The following STAG1 variants were observed in gnomAD, a reference collection of about 807,000 sequenced individuals.
STAG1 encodes STAG1 cohesin complex component.
In STAG1, 26 loss-of-function variants were observed where a neutral mutation model predicts 170.9. The observed-to-expected ratio is 0.15, with a 90% CI of 0.11 to 0.21. STAG1 has a LOEUF of 0.21. Ranked by LOEUF, STAG1 falls within the 10% of genes least tolerant of loss-of-function variation. The pLI is 1.00. For synonymous variants in STAG1, 514 were observed against 497.7 expected (o/e 1.03, Z -0.44); for missense variants, 964 against 1,509.5 (o/e 0.64, Z 5.99).
At chr3:136,654,829 C>A (rs1418617894) in intron 1 of STAG1, among the ~76,000 whole-genome samples, 2 of 152,022 alleles carry the variant, frequency 1.3e-5, no homozygotes, top group Non-Finnish European at 2.9e-5. Flanking sequence ...GAAAAGAGAG[C>A]CCACAAATAA....
chr3:136,429,586 A>G (rs891145072), intron 16 of STAG1, among the ~76,000 whole-genome samples: 2 of 152,234 alleles, frequency 1.3e-5, no homozygotes, highest in Non-Finnish European at 2.9e-5. Context: ...TTCTTTGGTG[A>G]CACAGACCCT....
intron 1 of STAG1, among the ~76,000 whole-genome samples, chr3:136,693,090 A>G (rs1424458572): frequency 1.3e-5 from 2 of 152,248 alleles, no homozygotes; most frequent in African/African-American, 4.8e-5. Flanking sequence ...AAGGAGAAAG[A>G]GATGTCATCA....
At position 136,653,272 on chromosome 3, in the gene STAG1, C is replaced by CA. The variant is rs113426775; in HGVS notation, c.-83-22292dup. On this transcript the variant is annotated intron_variant, in intron 1 of 33. Coordinates refer to ENST00000383202, the MANE Select transcript of STAG1 (RefSeq NM_005862.3). Reference sequence around the variant, plus strand: ...GGGCAACAAGAGCAAAACTCCATCTCAAAAAAAAAAAAGAAAAGCAAAGAA... The same window carrying CA: ...GGGCAACAAGAGCAAAACTCCATCTCAAAAAAAAAAAAAGAAAAGCAAAGAA... Among the ~76,000 whole-genome samples, 949 of 114,142 alleles carry CA rather than the reference C, an allele frequency of 8.3e-3. 4 individuals are homozygous for CA. The highest frequency in any genetic ancestry group is 0.017 in the Admixed American group (190 of 11,036). The allele number at this position is 114,142 out of a possible 152,430, so 74.9% of individuals were successfully genotyped here. A position where few individuals can be genotyped will look rare whatever the true frequency, so the allele number is the denominator to read the frequency against.
At chr3:136,441,939 T>C (rs1576469137) in intron 15 of STAG1, among the ~76,000 whole-genome samples, 1 of 152,200 alleles carries the variant, frequency 6.6e-6, no homozygotes, top group East Asian at 1.9e-4. Context: ...GGCTCACGCC[T>C]GTAATTCAAG....
chr3:136,522,518 T>C (rs1002513902), intron 6 of STAG1, among the ~76,000 whole-genome samples: 1 of 141,006 alleles, frequency 7.1e-6, no homozygotes, highest in Non-Finnish European at 1.6e-5. Flanking sequence ...CCCACTATAG[T>C]AGAGTTCCTC....
At chr3:136,726,185 T>C (rs1440926053) in intron 1 of STAG1, among the ~76,000 whole-genome samples, 1 of 152,192 alleles carries the variant, frequency 6.6e-6, no homozygotes, top group Non-Finnish European at 1.5e-5. Flanking sequence ...TTTACTGTTC[T>C]GTGCATTACA....
At position 136,458,281 on chromosome 3, in the gene STAG1, C is replaced by A. The variant is rs912043547; in HGVS notation, c.1314-6134G>T. On this transcript the variant is annotated intron_variant, in intron 13 of 33. Coordinates refer to ENST00000383202, the MANE Select transcript of STAG1 (RefSeq NM_005862.3). Reference sequence around the variant, plus strand: ...AAGCAATTCTCCTGCCTCAACCTCCCAAGTAGCTGGAATTACAGGCACCTG... The same window carrying A: ...AAGCAATTCTCCTGCCTCAACCTCCAAAGTAGCTGGAATTACAGGCACCTG... Among the ~76,000 whole-genome samples, 3 of 152,086 alleles carry A rather than the reference C, an allele frequency of 2.0e-5. No individual in the cohort carries two copies. The South Asian group carries it at 6.2e-4, about 32-fold the overall frequency.
intron 1 of STAG1, among the ~76,000 whole-genome samples, chr3:136,698,703 T>C (rs1374258981): frequency 3.3e-5 from 5 of 152,208 alleles, no homozygotes; most frequent in Non-Finnish European, 7.3e-5. Flanking sequence ...TATGGGTATC[T>C]TGCTGGGTAT....
intron 6 of STAG1, among the ~76,000 whole-genome samples, chr3:136,537,198 G>A (rs991808586): frequency 1.3e-5 from 2 of 152,074 alleles, no homozygotes; most frequent in Non-Finnish European, 1.5e-5. Context: ...AACACAAATG[G>A]AGTGGTGTAT....
chr3:136,543,688 T>G (rs1936013843), intron 5 of STAG1, among the ~76,000 whole-genome samples: 1 of 152,208 alleles, frequency 6.6e-6, no homozygotes, highest in East Asian at 1.9e-4. Flanking sequence ...TTCTAATCTT[T>G]TAAGTGGTGA....
intron 13 of STAG1, among the ~76,000 whole-genome samples, chr3:136,464,510 G>C (rs2107798443): frequency 6.6e-6 from 1 of 152,218 alleles, no homozygotes; most frequent in South Asian, 2.1e-4. Context: ...AGGTGATACT[G>C]CTTCAAATTT....
At chr3:136,701,579 G>C (rs1008721130) in intron 1 of STAG1, among the ~76,000 whole-genome samples, 2 of 151,986 alleles carry the variant, frequency 1.3e-5, no homozygotes, top group African/African-American at 4.8e-5. Context: ...CTTAACAGCC[G>C]GTATGCCCCC....
At chr3:136,438,022 GGATGA>G (rs1416118888) in intron 15 of STAG1, among the ~76,000 whole-genome samples, 3 of 152,050 alleles carry the variant, frequency 2.0e-5, no homozygotes, top group East Asian at 3.9e-4. Flanking sequence ...ATTACATTTA[GGATGA>G]GATAAGTTCA....
rs1247808024 is a variant in STAG1 at position 136,518,464 on chromosome 3, A to AT, written c.676+2748dup. 8 of 686,530 alleles carry AT rather than the reference A, an allele frequency of 1.2e-5. No individual in the cohort carries two copies. In the East Asian group the frequency reaches 1.9e-4, roughly 16 times the overall value. 42.5% of individuals were successfully genotyped at this position (686,530 alleles called of 1,614,324 possible). A position where few individuals can be genotyped will look rare whatever the true frequency, so the allele number is the denominator to read the frequency against. On this transcript the variant is annotated intron_variant, in intron 7 of 33. Transcript: ENST00000383202. The stretch of plus-strand genomic sequence containing the variant: ...ATCTTTTAATCTATTCCTCGTACAT[A>AT]TACCATTAAAAATAAGAAGAGGGCA...
At chr3:136,663,881 A>G (rs970292102) in intron 1 of STAG1, among the ~76,000 whole-genome samples, 1 of 152,256 alleles carries the variant, frequency 6.6e-6, no homozygotes, top group East Asian at 1.9e-4. Flanking sequence ...CAACTAAGAA[A>G]AAGTAAGCAA....
intron 27 of STAG1, among the ~76,000 whole-genome samples, chr3:136,358,878 T>G (rs1936755424): frequency 6.6e-6 from 1 of 152,118 alleles, no homozygotes; most frequent in African/African-American, 2.4e-5. Flanking sequence ...CCAGCCTGTA[T>G]AGTCTCTCAA....
intron 22 of STAG1, among the ~76,000 whole-genome samples, chr3:136,396,241 A>T (rs1358227262): frequency 1.7e-5 from 2 of 120,598 alleles, no homozygotes; most frequent in East Asian, 2.5e-4. Flanking sequence ...TTTGAGACAG[A>T]GTCTCGCTCT....
At chr3:136,531,732 G>A (rs1435759312) in intron 6 of STAG1, among the ~76,000 whole-genome samples, 1 of 147,896 alleles carries the variant, frequency 6.8e-6, no homozygotes, top group East Asian at 2.0e-4. Flanking sequence ...GACACAGGAA[G>A]GGGAATATCA....
intron 1 of STAG1, among the ~76,000 whole-genome samples, chr3:136,677,337 C>T (rs961125015): frequency 3.3e-5 from 5 of 152,128 alleles, no homozygotes; most frequent in Non-Finnish European, 4.4e-5. Context: ...TAAAATATTA[C>T]TAGGCCATAG....
Sources: allele counts gnomAD v4.1 joint callset (sites outside exome capture counted in the v4.1 genomes callset), GRCh38; gene constraint gnomAD v4.1.1; transcripts MANE v1.5; gene names NCBI Gene and HGNC (gene_info 2026-07-23, HGNC 2026-07-21).